KHDRBS2: variants seen among roughly 807,000 people sequenced by gnomAD.
KHDRBS2 encodes KH RNA binding domain containing, signal transduction associated 2, also known as KH domain-containing, RNA-binding, signal transduction-associated protein 2.
Under a neutral mutation model 44.3 loss-of-function variants are expected in KHDRBS2, and 26 were observed. The ratio of observed to expected loss-of-function variants is 0.59; its 90% CI spans 0.43 to 0.81. The LOEUF (loss-of-function observed/expected upper bound fraction) is 0.81, where lower values mean the gene tolerates loss of function less well. KHDRBS2 is among the 40% of genes least tolerant of loss of function. The pLI, the probability that KHDRBS2 is intolerant of heterozygous loss-of-function variation, is 0.00. For synonymous variants in KHDRBS2, 194 were observed against 151.1 expected, an observed-to-expected ratio of 1.28 and a Z score of -2.08; for missense variants, 476 against 433.1, an observed-to-expected ratio of 1.10 and a Z score of -0.88.
At chr6:61,685,475 G>A (rs1307583018) in intron 8 of KHDRBS2, among the ~76,000 whole-genome samples, 4 of 151,702 alleles carry the variant, frequency 2.6e-5, no homozygotes, top group Non-Finnish European at 5.9e-5. Flanking sequence ...TTTCAGAAAG[G>A]CATTATTAGC....
At chr6:61,782,512 T>C (rs1255527774) in intron 6 of KHDRBS2, among the ~76,000 whole-genome samples, 1 of 151,836 alleles carries the variant, frequency 6.6e-6, no homozygotes, top group East Asian at 1.9e-4. Flanking sequence ...CAATAAACGA[T>C]CACAGATGAA....
At chr6:62,001,985 T>G (rs1778322045) in intron 3 of KHDRBS2, among the ~76,000 whole-genome samples, 1 of 152,078 alleles carries the variant, frequency 6.6e-6, no homozygotes, top group East Asian at 1.9e-4. Flanking sequence ...AAAATTAAAT[T>G]TTAGCGTTAT....
At position 62,098,432 on chromosome 6, in the gene KHDRBS2, T is replaced by A. The variant is rs138746458; in HGVS notation, c.220-50438A>T. Among the ~76,000 whole-genome samples the A allele has an allele frequency of 1.1e-3, 163 of 152,230 alleles. 1 individual carries two copies. Among genetic ancestry groups the A allele is most frequent in the African/African-American group, 3.6e-3 (151 of 41,558 alleles). On this transcript the variant is annotated intron_variant, in intron 2 of 8. Coordinates refer to ENST00000281156, the MANE Select transcript of KHDRBS2 (RefSeq NM_152688.4). ...CATTTTCTGTTGACAGTTTGTTTTG[T>A]TTTGTTTTTCCTTGAGCACTTTGAC...
At chr6:61,832,823 T>C (rs1377474071) in intron 6 of KHDRBS2, among the ~76,000 whole-genome samples, 1 of 152,190 alleles carries the variant, frequency 6.6e-6, no homozygotes, top group East Asian at 1.9e-4. Flanking sequence ...TCTTTTTGTG[T>C]CCAAATGGCT....
the KHDRBS2 span, among the ~76,000 whole-genome samples, chr6:61,575,965 G>A: frequency 1.3e-5 from 2 of 152,120 alleles, no homozygotes; most frequent in Non-Finnish European, 2.9e-5. Context: ...AAGGGTAGGA[G>A]AGGGGTGAGG....
At chr6:61,693,665 G>A (rs7742952) in intron 8 of KHDRBS2, among the ~76,000 whole-genome samples, 93,734 of 151,928 alleles carry the variant, frequency 0.62, 30,040 homozygotes, top group Non-Finnish European at 0.7. Context: ...GAATTTATTG[G>A]CTACTTTCTA....
intron 6 of KHDRBS2, among the ~76,000 whole-genome samples, chr6:61,891,361 C>A (rs536667016): frequency 6.6e-6 from 1 of 152,106 alleles, no homozygotes; most frequent in Non-Finnish European, 1.5e-5. Context: ...ATTTTTGCAT[C>A]GATGTTCATC....
chr6:61,625,103 C>A, the KHDRBS2 span, among the ~76,000 whole-genome samples: 3 of 151,748 alleles, frequency 2.0e-5, no homozygotes, highest in African/African-American at 7.3e-5. Context: ...TACTTTGATG[C>A]CTTGTGGGAT....
At chr6:61,612,260 ATTAT>A in the KHDRBS2 span, among the ~76,000 whole-genome samples, 69 of 152,286 alleles carry the variant, frequency 4.5e-4, 1 homozygote, top group African/African-American at 1.4e-3. Flanking sequence ...AGAATTGCAT[ATTAT>A]TTGTCACTTT....
intron 3 of KHDRBS2, among the ~76,000 whole-genome samples, chr6:61,980,139 G>T (rs543276934): frequency 3.3e-5 from 5 of 152,016 alleles, no homozygotes; most frequent in African/African-American, 1.2e-4. Context: ...ATGACCCTTC[G>T]GAATCACATC....
rs556390889 is a variant in KHDRBS2, at chr6:61,706,365, C to A, written c.894-9112G>T. 3.3e-4 allele frequency among the ~76,000 whole-genome samples: 50 copies of A among 151,734 alleles called. 1 individual carries two copies. In the South Asian group the frequency reaches 0.01, roughly 31 times the overall value. ...TATATTTAAGAAATGAGTGGGAGAA[C>A]CTAAAGGTTTTGAGAAGTTTGTATC... On this transcript the variant is annotated intron_variant, in intron 7 of 8. Coordinates refer to ENST00000281156, the MANE Select transcript of KHDRBS2 (RefSeq NM_152688.4).
intron 2 of KHDRBS2, among the ~76,000 whole-genome samples, chr6:62,061,477 T>C (rs919329762): frequency 6.0e-5 from 9 of 151,012 alleles, no homozygotes; most frequent in Admixed American, 1.3e-4. Flanking sequence ...AAAATTCTTT[T>C]CTTTAAGAAT....
intron 2 of KHDRBS2, among the ~76,000 whole-genome samples, chr6:62,063,263 T>A (rs1299316036): frequency 6.8e-6 from 1 of 147,974 alleles, no homozygotes; most frequent in African/African-American, 2.5e-5. Context: ...GAGGGAATCC[T>A]CCCTAACTCA....
chr6:62,197,557 T>G (rs1051896490), intron 1 of KHDRBS2, among the ~76,000 whole-genome samples: 2 of 152,104 alleles, frequency 1.3e-5, no homozygotes, highest in African/African-American at 4.8e-5. Context: ...GCATTAAAAA[T>G]GAGCTTTCCT....
At chr6:61,561,630 C>G in the KHDRBS2 span, among the ~76,000 whole-genome samples, 1 of 152,148 alleles carries the variant, frequency 6.6e-6, no homozygotes, top group African/African-American at 2.4e-5. Context: ...GTCACCCCCA[C>G]AACAGACACA....
intron 3 of KHDRBS2, among the ~76,000 whole-genome samples, chr6:62,004,604 C>T (rs927778024): frequency 6.6e-6 from 1 of 152,132 alleles, no homozygotes; most frequent in African/African-American, 2.4e-5. Context: ...GGTACCATTC[C>T]TTCTGAAACT....
chr6:62,208,452 T>C (rs1342267533), intron 1 of KHDRBS2, among the ~76,000 whole-genome samples: 4 of 152,158 alleles, frequency 2.6e-5, no homozygotes, highest in Non-Finnish European at 5.9e-5. Flanking sequence ...TGTACACATA[T>C]TACCACATTT....
chr6:61,703,753 C>A (rs917426670), intron 7 of KHDRBS2, among the ~76,000 whole-genome samples: 1 of 151,872 alleles, frequency 6.6e-6, no homozygotes, highest in African/African-American at 2.4e-5. Context: ...TCACCACCAA[C>A]CAGAACCCCC....
chr6:62,246,135 T>TAA lies in KHDRBS2; in HGVS notation c.91+39721_91+39722dup, dbSNP rs1554500965. ...ATATATATATATATATATATATATA[T>TAA]AATCAATGTTAAAGCTACTCAGATA... On this transcript the variant is annotated intron_variant, in intron 1 of 8. Transcript: ENST00000281156. Among the ~76,000 whole-genome samples, 32 of 136,706 alleles carry TAA rather than the reference T, an allele frequency of 2.3e-4. No individual in the cohort carries two copies. The South Asian group carries it at 2.6e-3, about 11-fold the overall frequency. The allele number at this position is 136,706 out of a possible 152,430, so 89.7% of individuals were successfully genotyped here.
Sources: gnomAD v4.1 joint callset for allele counts (sites outside exome capture counted in the v4.1 genomes callset) on GRCh38, gnomAD v4.1.1 for gene constraint, MANE v1.5 for transcripts, NCBI Gene and HGNC (gene_info 2026-07-23, HGNC 2026-07-21) for gene names.